Variants in PDGFD observed in about 807,000 individuals in gnomAD.
The protein encoded by PDGFD is platelet derived growth factor D.
Under a neutral mutation model 44.7 loss-of-function variants are expected in PDGFD, and 30 were observed. The observed-to-expected ratio is 0.67, with a 90% CI of 0.50 to 0.91. The LOEUF (loss-of-function observed/expected upper bound fraction) is 0.91, where lower values mean the gene tolerates loss of function less well. PDGFD is among the 40% of genes least tolerant of loss of function. PDGFD has a pLI of 0.00. For missense variants in PDGFD, 445 were observed against 457.8 expected (o/e 0.97, Z 0.25); for synonymous variants, 173 against 168.4 (o/e 1.03, Z -0.21).
intron 1 of PDGFD, among the ~76,000 whole-genome samples, chr11:104,145,035 C>G (rs1041411562): frequency 1.7e-4 from 26 of 152,040 alleles, no homozygotes; most frequent in Non-Finnish European, 3.2e-4. Context: ...GTGCCATTTC[C>G]CTGATATTGT....
At position 104,135,643 on chromosome 11, in the gene PDGFD, A is replaced by C. The variant is rs531254990; in HGVS notation, c.124+28161T>G. Among the ~76,000 whole-genome samples the C allele has an allele frequency of 5.9e-5, 9 of 152,094 alleles. 1 individual carries two copies. The South Asian group carries it at 1.7e-3, about 28-fold the overall frequency. On this transcript the variant is annotated intron_variant, in intron 1 of 6. Transcript: ENST00000393158. ...AAGGTATCTGATCAAATTTCTACCTACTCCTTGCAGTGTGGAGGATGGTGG... is the reference window on the plus strand; with the variant it reads ...AAGGTATCTGATCAAATTTCTACCTCCTCCTTGCAGTGTGGAGGATGGTGG...
At chr11:103,915,234 G>A (rs547428254) in intron 6 of PDGFD, among the ~76,000 whole-genome samples, 33 of 152,314 alleles carry the variant, frequency 2.2e-4, no homozygotes, top group African/African-American at 7.9e-4. Flanking sequence ...AAGCTGATAA[G>A]CAACTTCAGC....
At chr11:104,009,489 A>G (rs769897947) in intron 1 of PDGFD, among the ~76,000 whole-genome samples, 2 of 151,644 alleles carry the variant, frequency 1.3e-5, no homozygotes, top group Non-Finnish European at 2.9e-5. Context: ...TAATTTCTGC[A>G]CTCTTCCTCA....
At chr11:103,974,333 C>G (rs1389652079) in intron 3 of PDGFD, among the ~76,000 whole-genome samples, 2 of 152,126 alleles carry the variant, frequency 1.3e-5, no homozygotes, top group Non-Finnish European at 1.5e-5. Flanking sequence ...TGAAGCAGCT[C>G]TCCCTTCTCC....
chr11:103,991,115 G>A (rs988862468), intron 3 of PDGFD, among the ~76,000 whole-genome samples: 4 of 151,230 alleles, frequency 2.6e-5, no homozygotes, highest in Non-Finnish European at 4.4e-5. Context: ...CTCCAGCCTA[G>A]GCGACAGAAA....
At chr11:104,088,928 A>AG (rs1453220025) in intron 1 of PDGFD, among the ~76,000 whole-genome samples, 64 of 151,600 alleles carry the variant, frequency 4.2e-4, no homozygotes, top group African/African-American at 1.4e-3. Flanking sequence ...GGATGGGGGA[A>AG]AAAAAAAACT....
intron 1 of PDGFD, among the ~76,000 whole-genome samples, chr11:104,065,065 G>A (rs548540980): frequency 6.6e-6 from 1 of 152,164 alleles, no homozygotes; most frequent in African/African-American, 2.4e-5. Context: ...GCAGAAGAAC[G>A]TTGAGAGAAT....
intron 3 of PDGFD, among the ~76,000 whole-genome samples, chr11:103,958,008 G>C (rs1591094587): frequency 6.6e-6 from 1 of 151,864 alleles, no homozygotes; most frequent in Non-Finnish European, 1.5e-5. Context: ...TGTTGCCGAA[G>C]AGCTAGGTTC....
At chr11:104,029,533 A>C (rs1012371063) in intron 1 of PDGFD, among the ~76,000 whole-genome samples, 1 of 152,264 alleles carries the variant, frequency 6.6e-6, no homozygotes, top group Non-Finnish European at 1.5e-5. Context: ...TATCATGTAC[A>C]TAATTCATAA....
At chr11:104,094,404 A>G (rs1308976967) in intron 1 of PDGFD, among the ~76,000 whole-genome samples, 1 of 152,060 alleles carries the variant, frequency 6.6e-6, no homozygotes, top group Non-Finnish European at 1.5e-5. Flanking sequence ...TATAATTTAT[A>G]TGCCTCAAAA....
At chr11:104,058,296 C>T (rs181532973) in intron 1 of PDGFD, among the ~76,000 whole-genome samples, 5 of 152,086 alleles carry the variant, frequency 3.3e-5, no homozygotes, top group South Asian at 2.1e-4. Context: ...ATACATTCAC[C>T]GATAAGAAGA....
chr11:104,075,049 T>C (rs1812691), intron 1 of PDGFD, among the ~76,000 whole-genome samples: 69,905 of 152,034 alleles, frequency 0.46, 17,552 homozygotes, highest in African/African-American at 0.67. Context: ...TGTTACAATA[T>C]GCAACATATA....
At position 103,939,338 on chromosome 11, in the gene PDGFD, G is replaced by A. The variant is rs867267721; in HGVS notation, c.772+4114C>T. Among the ~76,000 whole-genome samples the A allele has an allele frequency of 9.9e-5, 15 of 152,084 alleles. No homozygotes were observed. In the South Asian group the frequency reaches 1.0e-3, roughly 11 times the overall value. On this transcript the variant is annotated intron_variant, in intron 5 of 6. Transcript: ENST00000393158. Reference sequence around the variant, plus strand: ...AGCAATTGTGAATGGGAGTTCACTCGTGATTTGGCTCTCTGTTTGTCTGTT... The same window carrying A: ...AGCAATTGTGAATGGGAGTTCACTCATGATTTGGCTCTCTGTTTGTCTGTT...
At chr11:104,078,926 G>C (rs1005864369) in intron 1 of PDGFD, among the ~76,000 whole-genome samples, 9 of 152,068 alleles carry the variant, frequency 5.9e-5, no homozygotes, top group African/African-American at 2.2e-4. Context: ...AGGCTTACCT[G>C]TATTAAAGAA....
intron 3 of PDGFD, among the ~76,000 whole-genome samples, chr11:103,961,300 T>C (rs553962735): frequency 6.6e-6 from 1 of 152,300 alleles, no homozygotes; most frequent in African/African-American, 2.4e-5. Flanking sequence ...TAAATATTTG[T>C]AGAATGAATA....
At chr11:103,995,743 T>C (rs568967815) in intron 3 of PDGFD, among the ~76,000 whole-genome samples, 180 of 152,368 alleles carry the variant, frequency 1.2e-3, no homozygotes, top group Admixed American at 1.9e-3. Flanking sequence ...AACTCTCACA[T>C]ACCTTCTATT....
chr11:104,079,545 G>A (rs771335450), intron 1 of PDGFD, among the ~76,000 whole-genome samples: 3 of 151,922 alleles, frequency 2.0e-5, no homozygotes, highest in Non-Finnish European at 4.4e-5. Flanking sequence ...CTGCCGCCAC[G>A]CTCAGCTAAT....
chr11:104,116,887 T>C (rs148175616), intron 1 of PDGFD, among the ~76,000 whole-genome samples: 70 of 152,112 alleles, frequency 4.6e-4, no homozygotes, highest in African/African-American at 1.5e-3. Context: ...GCTGCTGCCA[T>C]GTAAGAAGTG....
chr11:104,068,351 T>C (rs1591147755), intron 1 of PDGFD, among the ~76,000 whole-genome samples: 1 of 152,210 alleles, frequency 6.6e-6, no homozygotes, highest in Non-Finnish European at 1.5e-5. Flanking sequence ...AATGAGGGAA[T>C]GTATTTCCAT....
Sources: gnomAD v4.1 joint callset for allele counts (sites outside exome capture counted in the v4.1 genomes callset) on GRCh38, gnomAD v4.1.1 for gene constraint, MANE v1.5 for transcripts, NCBI Gene and HGNC (gene_info 2026-07-23, HGNC 2026-07-21) for gene names.